WBP2: variants seen among roughly 807,000 people sequenced by gnomAD.
WBP2 encodes WW domain binding protein 2.
WBP2 carries 23 observed loss-of-function variants against 33.0 expected under a neutral mutation model. The ratio of observed to expected loss-of-function variants is 0.70; its 90% CI spans 0.50 to 0.99. The LOEUF (loss-of-function observed/expected upper bound fraction) is 0.99. Among genes scored for constraint, WBP2 ranks in the 50% least tolerant of loss-of-function variants. The probability of loss-of-function intolerance (pLI) is 0.00; values close to 1 mark genes in which losing one functional copy is unlikely to be tolerated. For synonymous variants in WBP2, 153 were observed against 133.5 expected, an observed-to-expected ratio of 1.15 and a Z score of -1.01; for missense variants, 353 against 358.0, an observed-to-expected ratio of 0.99 and a Z score of 0.11.
upstream of WBP2, chr17:75,855,366 G>C: frequency 1.3e-6 from 2 of 1,574,680 alleles, no homozygotes; most frequent in Admixed American, 1.7e-5. Flanking sequence ...CCCGCCCCTA[G>C]TGGCGTCTTC....
chr17:75,846,397 T>G lies in WBP2; in HGVS notation c.*337A>C, dbSNP rs970151184. ...GCAGTGGGTGCCAGACTGAGGGAGCTGGACTGCGGTGGAGGAGGTGGCCAG... is the reference window on the plus strand; with the variant it reads ...GCAGTGGGTGCCAGACTGAGGGAGCGGGACTGCGGTGGAGGAGGTGGCCAG... On this transcript the variant is annotated 3_prime_UTR_variant, in exon 8 of 8. Transcript: ENST00000254806. The surrounding 1 kb of genome is among the most constrained non-coding windows in gnomAD (Gnocchi z 4.8). 2.8e-5 allele frequency: 11 copies of G among 397,556 alleles called. No individual in the cohort carries two copies. The Admixed American group carries it at 4.6e-4, about 17-fold the overall frequency. 24.6% of individuals were successfully genotyped at this position (397,556 alleles called of 1,614,324 possible).
At chr17:75,855,687 T>A (rs375364071), upstream of WBP2, among the ~76,000 whole-genome samples, 1 of 152,230 alleles carries the variant, frequency 6.6e-6, no homozygotes. Context: ...GTTCCGCTCC[T>A]GGCAGGGGCG....
intron 3 of WBP2, chr17:75,849,103 C>G (rs2065012965): frequency 1.7e-5 from 4 of 236,106 alleles, no homozygotes; most frequent in Middle Eastern, 1.7e-3. Flanking sequence ...CCCCTCTAGC[C>G]TGGCTTCTGC....
chr17:75,846,108 C>A lies in WBP2; in HGVS notation c.*626G>T, dbSNP rs1365763528. 1 of 152,776 alleles carries A rather than the reference C, an allele frequency of 6.5e-6. No homozygotes were observed. The highest frequency in any genetic ancestry group is 1.5e-5 in the Non-Finnish European group (1 of 68,394). 9.5% of individuals were successfully genotyped at this position (152,776 alleles called of 1,614,324 possible). A position where few individuals can be genotyped will look rare whatever the true frequency, so the allele number is the denominator to read the frequency against. On this transcript the variant is annotated 3_prime_UTR_variant, in exon 8 of 8. Coordinates refer to ENST00000254806, the MANE Select transcript of WBP2 (RefSeq NM_012478.4). This position sits in a 1 kb window ranked among gnomAD's most constrained non-coding sequence, Gnocchi z 4.8. ...AAAAGGCAGAAGGGCTTCCTCCCAGCCTCGGCGGCCCTGCCCCGACGCCAC... is the reference window on the plus strand; with the variant it reads ...AAAAGGCAGAAGGGCTTCCTCCCAGACTCGGCGGCCCTGCCCCGACGCCAC...
rs1214639008 is a variant in WBP2, at chr17:75,854,981, C to A, written c.59+258G>T. On this transcript the variant is annotated intron_variant, in intron 1 of 7. Transcript: ENST00000254806. ...AGTCTGGGAAGGGGTTCAAGAATCA[C>A]CCCTAGGCCCCACCGGGGGCCCCAT... 4 of 566,880 alleles carry A rather than the reference C, an allele frequency of 7.1e-6. No individual in the cohort carries two copies. The Admixed American group carries it at 1.2e-4, about 17-fold the overall frequency. The allele number at this position is 566,880 out of a possible 1,614,324, so 35.1% of individuals were successfully genotyped here. A position where few individuals can be genotyped will look rare whatever the true frequency, so the allele number is the denominator to read the frequency against.
intron 3 of WBP2, 43 bp downstream of exon 3, chr17:75,849,561 T>C: frequency 6.2e-7 from 1 of 1,611,164 alleles, no homozygotes; most frequent in South Asian, 1.1e-5. Context: ...CCAGGACACC[T>C]CCCTGCAGGC....
At chr17:75,849,528 C>T in intron 3 of WBP2, 76 bp downstream of exon 3, 1 of 1,574,414 alleles carries the variant, frequency 6.4e-7, no homozygotes, top group South Asian at 1.1e-5. Context: ...AGGGGACGCC[C>T]CCACGGCGGC....
Position 75,847,866 on chromosome 17 carries a change from GAC to G in WBP2, c.460_461del (p.Val154LeufsTer24). ...TTCCATTGGCGACTGGCGGGGGATA[GAC>G]ATAGGCCCCGCTGGGCATGTAAGAG... ...GYSYMPSGAY[V>X]YPPPVANGMY... On this transcript the variant is annotated frameshift_variant, in exon 5 of 8. Transcript: ENST00000254806. LOFTEE classifies it high-confidence loss of function. 6.4e-7 allele frequency: 1 copy of G among 1,556,286 alleles called. No individual in the cohort carries two copies. The highest frequency in any genetic ancestry group is 2.4e-5 in the East Asian group (1 of 41,260).
At chr17:75,855,711 T>C (rs569218873), upstream of WBP2, among the ~76,000 whole-genome samples, 2 of 152,158 alleles carry the variant, frequency 1.3e-5, no homozygotes, top group Non-Finnish European at 2.9e-5. Flanking sequence ...TCTTGGGGAC[T>C]CCGGCAGCGC....
rs368932275 is a variant in WBP2, at chr17:75,849,571, C to A, written c.304+33G>T. 1.9e-5 allele frequency: 30 copies of A among 1,612,752 alleles called. No homozygotes were observed. The African/African-American group carries it at 2.0e-4, about 11-fold the overall frequency. ...GGTTCCCAGGACACCTCCCTGCAGGCCCCATGCGTGTCCCTGAGTTCCCAT... is the reference window on the plus strand; with the variant it reads ...GGTTCCCAGGACACCTCCCTGCAGGACCCATGCGTGTCCCTGAGTTCCCAT... On this transcript the variant is annotated intron_variant, in intron 3 of 7. Transcript: ENST00000254806.
Position 75,846,568 on chromosome 17 carries a change from C to G in WBP2, c.*166G>C. 1 of 923,410 alleles carries G rather than the reference C, an allele frequency of 1.1e-6. No homozygotes were observed. The highest frequency in any genetic ancestry group is 1.7e-6 in the Non-Finnish European group (1 of 589,594). The allele number at this position is 923,410 out of a possible 1,614,324, so 57.2% of individuals were successfully genotyped here. On this transcript the variant is annotated 3_prime_UTR_variant, in exon 8 of 8. Coordinates refer to ENST00000254806, the MANE Select transcript of WBP2 (RefSeq NM_012478.4). This position sits in a 1 kb window ranked among gnomAD's most constrained non-coding sequence, Gnocchi z 4.8. ...ATGGGAAGCTGGGCGGCACCTCTCC[C>G]GAGGCCGGGGGCCCTAATGTCCCAC...
At chr17:75,848,813 G>C in intron 3 of WBP2, 151 bp from the exon 4 acceptor site, 2 of 684,004 alleles carry the variant, frequency 2.9e-6, no homozygotes, top group Non-Finnish European at 5.1e-6. Flanking sequence ...TGGTGCCATG[G>C]TTTCCAGCCT....
At position 75,855,327 on chromosome 17, in the gene WBP2, A is replaced by G; in HGVS notation, c.-30T>C. ...TCTCCAACAGGGGTCCCGAGACTCA[A>G]AACGCAATGAGCTTGCGCCCCTCTT... On this transcript the variant is annotated 5_prime_UTR_variant, in exon 1 of 8. Coordinates refer to ENST00000254806, the MANE Select transcript of WBP2 (RefSeq NM_012478.4). 6.2e-7 allele frequency: 1 copy of G among 1,609,786 alleles called. No individual in the cohort carries two copies. The highest frequency in any genetic ancestry group is 1.1e-5 in the South Asian group (1 of 91,010).
chr17:75,846,656 C>A lies in WBP2; in HGVS notation c.*78G>T. ...GAGGGAGAACAAGGCGCCCCCTCCCCTCCCCAAGCCCCAGCACAGCCCCGA... is the reference window on the plus strand; with the variant it reads ...GAGGGAGAACAAGGCGCCCCCTCCCATCCCCAAGCCCCAGCACAGCCCCGA... On this transcript the variant is annotated 3_prime_UTR_variant, in exon 8 of 8. Transcript: ENST00000254806. The surrounding 1 kb of genome is among the most constrained non-coding windows in gnomAD (Gnocchi z 4.8). 6.8e-7 allele frequency: 1 copy of A among 1,477,190 alleles called. No homozygotes were observed. Among genetic ancestry groups the A allele is most frequent in the Admixed American group, 2.1e-5 (1 of 46,542 alleles). 91.5% of individuals were successfully genotyped at this position (1,477,190 alleles called of 1,614,324 possible).
At chr17:75,847,696 T>C in intron 5 of WBP2, 87 bp from the exon 6 acceptor site, 1 of 1,587,182 alleles carries the variant, frequency 6.3e-7, no homozygotes, top group Non-Finnish European at 8.6e-7. Context: ...GCTCCTTCGT[T>C]GGTCCTGAAG....
At chr17:75,847,290 A>G in intron 6 of WBP2, 197 bp downstream of exon 6, 1 of 875,550 alleles carries the variant, frequency 1.1e-6, no homozygotes, top group South Asian at 1.6e-5. Flanking sequence ...GGGCACATGG[A>G]TAGCTAAGGG....
At chr17:75,851,705 A>G (rs2065028824) in intron 1 of WBP2, 29 bp from the exon 2 acceptor site, 3 of 1,564,324 alleles carry the variant, frequency 1.9e-6, no homozygotes, top group Non-Finnish European at 2.6e-6. Context: ...AAAAGCCTCA[A>G]TGAGACAGTA....
At chr17:75,848,068 C>G (rs2065006081) in intron 4 of WBP2, 138 bp from the exon 5 acceptor site, 1 of 1,205,720 alleles carries the variant, frequency 8.3e-7, no homozygotes, top group African/African-American at 1.5e-5. Context: ...CCACTCCACC[C>G]TCCACCCATA....
chr17:75,851,875 G>A (rs755965220), intron 1 of WBP2, 199 bp from the exon 2 acceptor site: 1 of 404,698 alleles, frequency 2.5e-6, no homozygotes, highest in Non-Finnish European at 4.8e-6. Flanking sequence ...GCCGAGGCGA[G>A]CGGATGACCC....
Sources: allele counts gnomAD v4.1 joint callset (sites outside exome capture counted in the v4.1 genomes callset), GRCh38; gene constraint gnomAD v4.1.1; non-coding constraint Gnocchi (gnomAD v3.1); transcripts MANE v1.5; gene names NCBI Gene and HGNC (gene_info 2026-07-23, HGNC 2026-07-21).